Variants in RARB observed in about 807,000 individuals in gnomAD.
RARB encodes HBV-activated protein.
A neutral mutation model predicts 51.9 loss-of-function variants in RARB; 17 were observed. That is an observed-to-expected ratio of 0.33 (90% CI 0.22 to 0.49). The LOEUF is 0.49. Ranked by LOEUF, RARB falls within the 20% of genes least tolerant of loss-of-function variation. The probability of loss-of-function intolerance (pLI) is 0.99; values close to 1 mark genes in which losing one functional copy is unlikely to be tolerated. For missense variants in RARB, 369 were observed against 550.8 expected, an observed-to-expected ratio of 0.67 and a Z score of 3.30; for synonymous variants, 215 against 195.4, an observed-to-expected ratio of 1.10 and a Z score of -0.84.
intron 5 of RARB, among the ~76,000 whole-genome samples, chr3:25,289,136 A>G (rs1219829409): frequency 6.6e-6 from 1 of 152,218 alleles, no homozygotes; most frequent in Non-Finnish European, 1.5e-5. Flanking sequence ...TTTAGAGCCA[A>G]CTTCAATTTC....
chr3:25,223,420 T>A (rs916521445), intron 5 of RARB, among the ~76,000 whole-genome samples: 2 of 152,232 alleles, frequency 1.3e-5, no homozygotes, highest in African/African-American at 4.8e-5. Flanking sequence ...ATGAATTTGA[T>A]AACAAGCATA....
chr3:25,113,383 G>T (rs1699635054), intron 3 of RARB, among the ~76,000 whole-genome samples: 1 of 151,938 alleles, frequency 6.6e-6, no homozygotes, highest in South Asian at 2.1e-4. Context: ...TGTTCATTCT[G>T]GTTTATTTTG....
At chr3:24,866,566 T>TC (rs1355646047) in intron 2 of RARB, among the ~76,000 whole-genome samples, 2 of 152,052 alleles carry the variant, frequency 1.3e-5, no homozygotes, top group African/African-American at 4.8e-5. Flanking sequence ...CAAACCAGAA[T>TC]CAGCAAGAGA....
At chr3:24,937,828 TAAAG>T (rs775304342) in intron 2 of RARB, among the ~76,000 whole-genome samples, 6 of 152,034 alleles carry the variant, frequency 3.9e-5, no homozygotes, top group South Asian at 2.1e-4. Context: ...ACTTTAAAAA[TAAAG>T]AGATTTTAAT....
intron 2 of RARB, among the ~76,000 whole-genome samples, chr3:25,477,425 G>C (rs34589042): frequency 0.041 from 6,212 of 152,256 alleles, 188 homozygotes; most frequent in East Asian, 0.18. Flanking sequence ...CAATTATTCA[G>C]GTTACTTCTT....
At chr3:25,413,180 A>G (rs1026888540) in intron 5 of RARB, among the ~76,000 whole-genome samples, 1 of 152,230 alleles carries the variant, frequency 6.6e-6, no homozygotes, top group Non-Finnish European at 1.5e-5. Context: ...TAATGAGATT[A>G]ACTGAAACAT....
At chr3:25,199,601 C>T (rs181454898) in intron 5 of RARB, among the ~76,000 whole-genome samples, 18 of 152,136 alleles carry the variant, frequency 1.2e-4, no homozygotes, top group Admixed American at 5.2e-4. Flanking sequence ...ATCCCTTCCC[C>T]GACACCACAA....
chr3:25,265,628 A>G (rs1309802381), intron 5 of RARB, among the ~76,000 whole-genome samples: 1 of 151,948 alleles, frequency 6.6e-6, no homozygotes, highest in Non-Finnish European at 1.5e-5. Context: ...ATGCACCCCC[A>G]TGCCTGTCTA....
At chr3:25,475,672 C>A (rs867940908) in intron 2 of RARB, among the ~76,000 whole-genome samples, 15 of 152,138 alleles carry the variant, frequency 9.9e-5, no homozygotes, top group South Asian at 4.1e-4. Flanking sequence ...CTTGCTGGAA[C>A]CCAAGTCACC....
intron 5 of RARB, among the ~76,000 whole-genome samples, chr3:25,402,891 G>A (rs113162746): frequency 0.016 from 2,394 of 152,178 alleles, 58 homozygotes; most frequent in African/African-American, 0.051. Flanking sequence ...AAAGCCAAGC[G>A]TGGTGGCTCA....
chr3:25,421,078 T>C (rs1707845382), intron 5 of RARB, among the ~76,000 whole-genome samples: 1 of 151,484 alleles, frequency 6.6e-6, no homozygotes, highest in Non-Finnish European at 1.5e-5. Context: ...GGCTTGCCAA[T>C]TATTTCATGG....
intron 2 of RARB, among the ~76,000 whole-genome samples, chr3:25,001,176 G>C (rs561957231): frequency 6.6e-6 from 1 of 152,130 alleles, no homozygotes; most frequent in African/African-American, 2.4e-5. Flanking sequence ...AGATGAGACA[G>C]TTTTTCTACT....
intron 2 of RARB, among the ~76,000 whole-genome samples, chr3:25,050,235 A>AGGCTGT (rs1289756338): frequency 1.3e-5 from 2 of 152,256 alleles, no homozygotes; most frequent in East Asian, 1.9e-4. Context: ...CTTGACTCCC[A>AGGCTGT]GGCTGTGGCT....
intron 4 of RARB, among the ~76,000 whole-genome samples, chr3:25,148,745 A>G (rs1216509314): frequency 6.6e-6 from 1 of 152,230 alleles, no homozygotes; most frequent in Non-Finnish European, 1.5e-5. Flanking sequence ...AGGATTGAAC[A>G]TAATTATATG....
At chr3:25,301,506 A>C (rs1704037454) in intron 5 of RARB, among the ~76,000 whole-genome samples, 1 of 152,180 alleles carries the variant, frequency 6.6e-6, no homozygotes, top group African/African-American at 2.4e-5. Context: ...ATTTCTATTT[A>C]GTGCATTCAT....
intron 5 of RARB, among the ~76,000 whole-genome samples, chr3:25,380,711 G>T (rs1219565497): frequency 6.6e-6 from 1 of 152,170 alleles, no homozygotes; most frequent in Non-Finnish European, 1.5e-5. Flanking sequence ...TGTTGATATA[G>T]CTTAAATGCC....
At chr3:25,049,992 C>A (rs1343604091) in intron 2 of RARB, among the ~76,000 whole-genome samples, 5 of 151,990 alleles carry the variant, frequency 3.3e-5, no homozygotes, top group African/African-American at 4.8e-5. Context: ...GAAGATGATA[C>A]TATTAACAAT....
At chr3:25,448,417 G>A (rs542401703) in intron 1 of RARB, among the ~76,000 whole-genome samples, 1 of 152,258 alleles carries the variant, frequency 6.6e-6, no homozygotes, top group Admixed American at 6.5e-5. Context: ...AACCAACAAT[G>A]TAGCATTCCT....
chr3:25,345,642 G>C (rs1446134044), intron 5 of RARB, among the ~76,000 whole-genome samples: 1 of 145,114 alleles, frequency 6.9e-6, no homozygotes, highest in East Asian at 2.0e-4. Context: ...TCCAGCCTGG[G>C]TGACAGAGTG....
Sources: allele counts gnomAD v4.1 joint callset (sites outside exome capture counted in the v4.1 genomes callset), GRCh38; gene constraint gnomAD v4.1.1; transcripts MANE v1.5; gene names NCBI Gene and HGNC (gene_info 2026-07-23, HGNC 2026-07-21).